Variants in ZCWPW2 observed in about 807,000 individuals in gnomAD.
ZCWPW2 encodes zinc finger CW-type and PWWP domain containing 2, also known as zinc finger CW-type PWWP domain protein 2.
In ZCWPW2, 45 loss-of-function variants were observed where a neutral mutation model predicts 46.6. The observed-to-expected ratio is 0.96, with a 90% CI of 0.76 to 1.24. The LOEUF is 1.24. ZCWPW2 is among the 50% of genes most tolerant of loss of function. The pLI, the probability that ZCWPW2 is intolerant of heterozygous loss-of-function variation, is 0.00. For missense variants in ZCWPW2, 429 were observed against 403.9 expected (o/e 1.06, Z -0.53); for synonymous variants, 152 against 137.1 (o/e 1.11, Z -0.76).
Position 28,430,127 on chromosome 3 carries a change from A to G in ZCWPW2, c.333-4983A>G, listed in dbSNP as rs150102870. On this transcript the variant is annotated intron_variant, in intron 3 of 9. Coordinates refer to ENST00000383768, the MANE Select transcript of ZCWPW2 (RefSeq NM_001040432.4). ...GATCCACTGACAGCTTGCACCGTGC[A>G]ACTGGAAAAGCCACAGACACTCAAT... Among the ~76,000 whole-genome samples the G allele has an allele frequency of 8.5e-3, 1,291 of 152,330 alleles. 11 individuals are homozygous for G. The highest frequency in any genetic ancestry group is 0.013 in the Non-Finnish European group (910 of 68,024).
intron 3 of ZCWPW2, among the ~76,000 whole-genome samples, chr3:28,424,752 C>T (rs946462722): frequency 2.0e-5 from 3 of 152,090 alleles, no homozygotes; most frequent in Non-Finnish European, 4.4e-5. Flanking sequence ...AAAATGTGGC[C>T]TTTGTTACTG....
intron 4 of ZCWPW2, among the ~76,000 whole-genome samples, chr3:28,441,210 C>T (rs1697743306): frequency 6.6e-6 from 1 of 152,204 alleles, no homozygotes; most frequent in African/African-American, 2.4e-5. Flanking sequence ...TTGGTGAGCA[C>T]TCACATGGGA....
chr3:28,521,785 A>G (rs146993963), intron 9 of ZCWPW2, among the ~76,000 whole-genome samples: 8 of 152,276 alleles, frequency 5.3e-5, no homozygotes, highest in African/African-American at 1.9e-4. Context: ...TCACGTGGCA[A>G]TGCAGCTGTT....
chr3:28,479,217 T>C (rs964618801), intron 5 of ZCWPW2, among the ~76,000 whole-genome samples: 1 of 152,180 alleles, frequency 6.6e-6, no homozygotes, highest in Non-Finnish European at 1.5e-5. Context: ...TAGATGCCCT[T>C]GTGTATTTCA....
chr3:28,381,056 A>AG lies in ZCWPW2; in HGVS notation c.-133-9442_-133-9441insG, dbSNP rs1463067159. On this transcript the variant is annotated intron_variant, in intron 1 of 9. Coordinates refer to ENST00000383768, the MANE Select transcript of ZCWPW2 (RefSeq NM_001040432.4). ...ATATATATATATATTTGGTGTATAT[A>AG]TATATATATATATATATATATATAC... Among the ~76,000 whole-genome samples the AG allele has an allele frequency of 8.6e-4, 93 of 107,586 alleles. 23 individuals carry two copies. The highest frequency in any genetic ancestry group is 3.1e-3 in the African/African-American group (78 of 25,482). 70.6% of individuals were successfully genotyped at this position (107,586 alleles called of 152,430 possible).
intron 3 of ZCWPW2, among the ~76,000 whole-genome samples, chr3:28,433,366 T>C (rs529634963): frequency 6.6e-6 from 1 of 152,300 alleles, no homozygotes; most frequent in African/African-American, 2.4e-5. Context: ...TGGAAAACAT[T>C]TGGGTTTTGG....
rs1024770258 is a variant in ZCWPW2, at chr3:28,455,825, T to C, written c.492+20556T>C. ...GGGGCCTTATTTCTGGGTTCTTTAT[T>C]ATGTTTCATTGGTCTATGTGTCTGT... On this transcript the variant is annotated intron_variant, in intron 4 of 9. Transcript: ENST00000383768. Among the ~76,000 whole-genome samples the C allele has an allele frequency of 3.3e-5, 5 of 152,158 alleles. No homozygotes were observed. The East Asian group carries it at 9.6e-4, about 29-fold the overall frequency.
chr3:28,430,579 A>G (rs1023960356), intron 3 of ZCWPW2, among the ~76,000 whole-genome samples: 4 of 152,196 alleles, frequency 2.6e-5, no homozygotes, highest in African/African-American at 9.6e-5. Context: ...ATGTGAGGAC[A>G]TGAGATTTGT....
At chr3:28,368,374 C>T (rs1454447895) in intron 1 of ZCWPW2, among the ~76,000 whole-genome samples, 6 of 152,154 alleles carry the variant, frequency 3.9e-5, no homozygotes, top group African/African-American at 1.4e-4. Context: ...AATCTCTCAA[C>T]ATTTGCTTGT....
chr3:28,460,597 A>G (rs965293139), intron 4 of ZCWPW2, among the ~76,000 whole-genome samples: 2 of 152,212 alleles, frequency 1.3e-5, no homozygotes, highest in Non-Finnish European at 1.5e-5. Flanking sequence ...GCACATGGGT[A>G]TAATGTGGCA....
chr3:28,521,204 A>T, intron 9 of ZCWPW2, 88 bp downstream of exon 9: 1 of 1,397,260 alleles, frequency 7.2e-7, no homozygotes, highest in Non-Finnish European at 9.5e-7. Context: ...TTTTAAATAT[A>T]TAAAAAACTC....
chr3:28,499,012 G>A (rs2371302), intron 6 of ZCWPW2, among the ~76,000 whole-genome samples: 25,001 of 152,104 alleles, frequency 0.16, 2,417 homozygotes, highest in East Asian at 0.44. Context: ...ATTCCATGGT[G>A]TATATGTGCC....
chr3:28,490,511 C>G (rs533708260), intron 5 of ZCWPW2, among the ~76,000 whole-genome samples: 1 of 152,162 alleles, frequency 6.6e-6, no homozygotes, highest in East Asian at 1.9e-4. Context: ...AAAATAATGT[C>G]CTTTCAGCAA....
chr3:28,414,192 T>C (rs915662520), intron 3 of ZCWPW2, among the ~76,000 whole-genome samples: 2 of 151,934 alleles, frequency 1.3e-5, no homozygotes, highest in African/African-American at 4.8e-5. Context: ...ACTGTTTTTC[T>C]CTTTTCAATT....
chr3:28,449,672 A>G (rs1016748444), intron 4 of ZCWPW2, among the ~76,000 whole-genome samples: 4 of 152,200 alleles, frequency 2.6e-5, no homozygotes, highest in African/African-American at 9.7e-5. Context: ...TTAAGATGGT[A>G]GATTTTATGT....
rs561096241 is a variant in ZCWPW2, at chr3:28,369,251, C to T, written c.-134+20048C>T. ...AGAGGCACTTGATTTTTAGAGTTTC[C>T]GGTTTTTCTGCTGTTTTTTCCCCAT... On this transcript the variant is annotated intron_variant, in intron 1 of 9. Coordinates refer to ENST00000383768, the MANE Select transcript of ZCWPW2 (RefSeq NM_001040432.4). Among the ~76,000 whole-genome samples, 309 of 152,192 alleles carry T rather than the reference C, an allele frequency of 2.0e-3. 1 individual carries two copies. The highest frequency in any genetic ancestry group is 7.3e-3 in the South Asian group (35 of 4,824).
chr3:28,403,420 C>T (rs903779153), intron 2 of ZCWPW2, among the ~76,000 whole-genome samples: 3 of 152,070 alleles, frequency 2.0e-5, no homozygotes, highest in African/African-American at 7.2e-5. Flanking sequence ...GAAAAAACAT[C>T]CCACGCTCAT....
intron 2 of ZCWPW2, 123 bp downstream of exon 2, chr3:28,390,740 C>T: frequency 1.4e-6 from 1 of 723,768 alleles, no homozygotes; most frequent in Non-Finnish European, 1.7e-6. Context: ...TATAACTTCT[C>T]TATGAAATAA....
rs185651783 is a variant in ZCWPW2, at chr3:28,439,066, T to C, written c.492+3797T>C. Among the ~76,000 whole-genome samples, 176 of 146,924 alleles carry C rather than the reference T, an allele frequency of 1.2e-3. 1 individual carries two copies. The highest frequency in any genetic ancestry group is 2.2e-3 in the Non-Finnish European group (146 of 66,230). ...TATCTATGGTGTGTGTGTGTATATA[T>C]ATGTGTATACACATATATATACACA... On this transcript the variant is annotated intron_variant, in intron 4 of 9. Coordinates refer to ENST00000383768, the MANE Select transcript of ZCWPW2 (RefSeq NM_001040432.4).
Sources: gnomAD v4.1 joint callset for allele counts (sites outside exome capture counted in the v4.1 genomes callset) on GRCh38, gnomAD v4.1.1 for gene constraint, MANE v1.5 for transcripts, NCBI Gene and HGNC (gene_info 2026-07-23, HGNC 2026-07-21) for gene names.